COMMD10: variants seen among roughly 807,000 people sequenced by gnomAD.
COMMD10 encodes COMM domain-containing protein 10.
A neutral mutation model predicts 28.9 loss-of-function variants in COMMD10; 33 were observed. The ratio of observed to expected loss-of-function variants is 1.14; its 90% CI spans 0.87 to 1.53. COMMD10 has a LOEUF of 1.53. Ranked by LOEUF, COMMD10 falls within the 40% of genes most tolerant of loss-of-function variation. COMMD10 has a pLI of 0.00. For synonymous variants in COMMD10, 110 were observed against 81.7 expected, an observed-to-expected ratio of 1.35 and a Z score of -1.87; for missense variants, 310 against 233.4, an observed-to-expected ratio of 1.33 and a Z score of -2.14.
At chr5:116,134,359 C>T (rs1751962568) in intron 5 of COMMD10, among the ~76,000 whole-genome samples, 181 bp downstream of exon 5, 1 of 152,062 alleles carries the variant, frequency 6.6e-6, no homozygotes, top group Non-Finnish European at 1.5e-5. Context: ...CTTACAAAAA[C>T]ATTTCATAAT....
chr5:116,224,169 A>T (rs924228671), intron 5 of COMMD10, among the ~76,000 whole-genome samples: 3 of 152,186 alleles, frequency 2.0e-5, no homozygotes, highest in African/African-American at 7.2e-5. Context: ...AAATTGAACC[A>T]ATGTATCTTT....
intron 4 of COMMD10, among the ~76,000 whole-genome samples, chr5:116,101,277 T>A (rs1162539881): frequency 1.3e-5 from 2 of 152,196 alleles, no homozygotes; most frequent in Non-Finnish European, 2.9e-5. Flanking sequence ...ATTGCTAGAT[T>A]GAATGTTAGT....
At chr5:116,155,234 G>A (rs903666950) in intron 5 of COMMD10, among the ~76,000 whole-genome samples, 1 of 152,186 alleles carries the variant, frequency 6.6e-6, no homozygotes, top group South Asian at 2.1e-4. Context: ...TGGTTGCAGA[G>A]TTTATAGTTG....
At position 116,085,275 on chromosome 5, in the gene COMMD10, G is replaced by C. The variant is rs1750054434; in HGVS notation, c.41+182G>C. On this transcript the variant is annotated intron_variant, in intron 1 of 6. Coordinates refer to ENST00000274458, the MANE Select transcript of COMMD10 (RefSeq NM_016144.4). ...TGCGGAGTGCGTGGGGCCGTGTAGC[G>C]CCTCTACAGTCACGGTGGTCCACCT... is the stretch of plus-strand genomic sequence containing the variant. The C allele has an allele frequency of 1.8e-5, 11 of 607,916 alleles. No individual in the cohort carries two copies. The South Asian group carries it at 2.2e-4, about 12-fold the overall frequency. 37.7% of individuals were successfully genotyped at this position (607,916 alleles called of 1,614,324 possible).
Position 116,285,468 on chromosome 5 carries a change from A to G in COMMD10, c.511-6049A>G, listed in dbSNP as rs1339200134. Reference sequence around the variant, plus strand: ...GCCACCCCTTGGAAGACTATGGAGTATATGCTGTCTACAAATAGACATGAA... The same window carrying G: ...GCCACCCCTTGGAAGACTATGGAGTGTATGCTGTCTACAAATAGACATGAA... On this transcript the variant is annotated intron_variant, in intron 5 of 6. Transcript: ENST00000274458. Among the ~76,000 whole-genome samples, 11 of 151,892 alleles carry G rather than the reference A, an allele frequency of 7.2e-5. No homozygotes were observed. In the East Asian group the frequency reaches 2.1e-3, roughly 29 times the overall value.
rs563316757 is a variant in COMMD10 at position 116,112,483 on chromosome 5, G to A, written c.399+19783G>A. On this transcript the variant is annotated intron_variant, in intron 4 of 6. Transcript: ENST00000274458. ...GGGATCTCAGCTCACTGCAACCTCC[G>A]TCTCCCAGGTTCAAGCAATTCTCCT... 1.2e-4 allele frequency among the ~76,000 whole-genome samples: 18 copies of A among 150,858 alleles called. No homozygotes were observed. In the East Asian group the frequency reaches 1.2e-3, roughly 10 times the overall value.
rs563098532 is a variant in COMMD10, at chr5:116,142,474, G to A, written c.510+8296G>A. Among the ~76,000 whole-genome samples the A allele has an allele frequency of 4.8e-3, 724 of 151,854 alleles. 5 individuals are homozygous for A. Among genetic ancestry groups the A allele is most frequent in the African/African-American group, 0.015 (614 of 41,518 alleles). ...TCAAGAGGATGATTACTAGGTGAAA[G>A]GGTATAAACCAAAATAAAACAAAAC... On this transcript the variant is annotated intron_variant, in intron 5 of 6. Coordinates refer to ENST00000274458, the MANE Select transcript of COMMD10 (RefSeq NM_016144.4).
At chr5:116,090,817 G>A (rs1750269361) in intron 2 of COMMD10, among the ~76,000 whole-genome samples, 1 of 152,224 alleles carries the variant, frequency 6.6e-6, no homozygotes, top group African/African-American at 2.4e-5. Context: ...GGATAGATGA[G>A]CCCCTTAGCA....
At chr5:116,125,205 C>T (rs983400812) in intron 4 of COMMD10, among the ~76,000 whole-genome samples, 6 of 152,132 alleles carry the variant, frequency 3.9e-5, no homozygotes, top group African/African-American at 1.4e-4. Context: ...TTGTTCCTTT[C>T]CATGTTTAGT....
At chr5:116,259,180 A>G (rs533587143) in intron 5 of COMMD10, among the ~76,000 whole-genome samples, 25 of 149,486 alleles carry the variant, frequency 1.7e-4, no homozygotes, top group Admixed American at 5.4e-4. Context: ...CTCCCACCTC[A>G]GCCTCCAGAG....
At chr5:116,097,264 AATATACTATTTTAAAGTCTGAAATGCTT>A (rs1209592210) in intron 4 of COMMD10, among the ~76,000 whole-genome samples, 126 of 152,336 alleles carry the variant, frequency 8.3e-4, no homozygotes, top group Non-Finnish European at 1.4e-3. Context: ...TAGGATTGCT[AATATACTATTTTAAAGTCTGAAATGCTT>A]AAATAATATA....
intron 5 of COMMD10, among the ~76,000 whole-genome samples, chr5:116,257,746 A>G (rs781564256): frequency 5.3e-5 from 8 of 151,808 alleles, no homozygotes; most frequent in Non-Finnish European, 8.8e-5. Flanking sequence ...AAGGAATATT[A>G]TGGTGGGTTC....
Position 116,292,697 on chromosome 5 carries a change from C to A in COMMD10, c.*208C>A. The stretch of plus-strand genomic sequence containing the variant: ...ATATACTTTCTTTAGTTCTGTGAGC[C>A]AACAGTAATTATTAAGAACACTTTC... On this transcript the variant is annotated 3_prime_UTR_variant, in exon 7 of 7. Coordinates refer to ENST00000274458, the MANE Select transcript of COMMD10 (RefSeq NM_016144.4). 1 of 417,406 alleles carries A rather than the reference C, an allele frequency of 2.4e-6. No homozygotes were observed. 25.9% of individuals were successfully genotyped at this position (417,406 alleles called of 1,614,324 possible).
In COMMD10 at chr5:116,177,986, T is replaced by C. The variant is rs531890301; in HGVS notation, c.510+43808T>C. Among the ~76,000 whole-genome samples, 37 of 152,292 alleles carry C rather than the reference T, an allele frequency of 2.4e-4. No individual in the cohort carries two copies. The South Asian group carries it at 7.7e-3, about 32-fold the overall frequency. On this transcript the variant is annotated intron_variant, in intron 5 of 6. Transcript: ENST00000274458. ...TTCTTTTACTCAGATAATATGAGCA[T>C]GTACCTTAACTTAAAAAGATAGGGT... is the stretch of plus-strand genomic sequence containing the variant.
chr5:116,220,772 T>C (rs943214922), intron 5 of COMMD10, among the ~76,000 whole-genome samples: 15 of 152,214 alleles, frequency 9.9e-5, no homozygotes, highest in African/African-American at 3.4e-4. Context: ...AGCTTATACC[T>C]ATTACCCTAT....
At chr5:116,235,836 GTATTT>G (rs1749646763) in intron 5 of COMMD10, among the ~76,000 whole-genome samples, 1 of 152,078 alleles carries the variant, frequency 6.6e-6, no homozygotes, top group African/African-American at 2.4e-5. Context: ...TTGGATTCAA[GTATTT>G]TATTCATTCA....
At chr5:116,193,732 AGTACTCCACTGACG>A (rs576465027) in intron 5 of COMMD10, among the ~76,000 whole-genome samples, 91 of 152,190 alleles carry the variant, frequency 6.0e-4, no homozygotes, top group Non-Finnish European at 1.1e-3. Flanking sequence ...GGAGGACTTC[AGTACTCCACTGACG>A]GTACTAGACA....
chr5:116,139,663 C>T (rs1462149253), intron 5 of COMMD10, among the ~76,000 whole-genome samples: 1 of 151,474 alleles, frequency 6.6e-6, no homozygotes, highest in Non-Finnish European at 1.5e-5. Flanking sequence ...CATACTTTCT[C>T]ACCCTTAATT....
intron 5 of COMMD10, among the ~76,000 whole-genome samples, chr5:116,242,178 A>G (rs910735417): frequency 4.6e-5 from 7 of 152,208 alleles, no homozygotes; most frequent in African/African-American, 1.7e-4. Context: ...TTCTGACCGT[A>G]TCTAATAACA....
Sources: gnomAD v4.1 joint callset for allele counts (sites outside exome capture counted in the v4.1 genomes callset) on GRCh38, gnomAD v4.1.1 for gene constraint, MANE v1.5 for transcripts, NCBI Gene and HGNC (gene_info 2026-07-23, HGNC 2026-07-21) for gene names.